The following OR2C1 variants were observed in gnomAD, a reference collection of about 807,000 sequenced individuals.
The protein encoded by OR2C1 is olfactory receptor 2C1.
For synonymous variants in OR2C1, 209 were observed against 167.3 expected (o/e 1.25, Z -1.92); for missense variants, 468 against 388.3 (o/e 1.21, Z -1.73).
chr16:3,347,709 C>A, the OR2C1 span, among the ~76,000 whole-genome samples: 2 of 152,252 alleles, frequency 1.3e-5, no homozygotes, highest in African/African-American at 4.8e-5. Context: ...GGATGTTCTT[C>A]CATGTGAGAA....
chr16:3,345,150 A>G, the OR2C1 span, among the ~76,000 whole-genome samples: 1 of 151,968 alleles, frequency 6.6e-6, no homozygotes, highest in Non-Finnish European at 1.5e-5. Flanking sequence ...AAGTGAAAAC[A>G]TTGTGGAGGA....
At chr16:3,340,725 C>A in the OR2C1 span, among the ~76,000 whole-genome samples, 1 of 152,148 alleles carries the variant, frequency 6.6e-6, no homozygotes, top group Non-Finnish European at 1.5e-5. Flanking sequence ...GACATTGTCA[C>A]CCTTATGGAA....
At chr16:3,327,521 C>T in the OR2C1 span, among the ~76,000 whole-genome samples, 2 of 151,656 alleles carry the variant, frequency 1.3e-5, no homozygotes, top group Non-Finnish European at 2.9e-5. Context: ...GTAAGAAGAC[C>T]CTCTTGACCT....
chr16:3,353,779 T>C (rs970487772), upstream of OR2C1, among the ~76,000 whole-genome samples: 3 of 151,428 alleles, frequency 2.0e-5, no homozygotes, highest in African/African-American at 7.3e-5. Flanking sequence ...CCAGCCTGGG[T>C]GACACTGCTA....
upstream of OR2C1, among the ~76,000 whole-genome samples, chr16:3,351,198 T>A (rs67187418): frequency 2.9e-5 from 4 of 138,016 alleles, no homozygotes; most frequent in Non-Finnish European, 4.6e-5. Flanking sequence ...TGAATTTAAG[T>A]CTTTTTTCTT....
At chr16:3,342,321 A>T in the OR2C1 span, among the ~76,000 whole-genome samples, 1 of 152,214 alleles carries the variant, frequency 6.6e-6, no homozygotes, top group Admixed American at 6.5e-5. Flanking sequence ...AGATTATGTC[A>T]ATATTAAGGA....
the OR2C1 span, among the ~76,000 whole-genome samples, chr16:3,325,143 A>C: frequency 6.6e-6 from 1 of 151,838 alleles, no homozygotes; most frequent in Non-Finnish European, 1.5e-5. Context: ...CACCAGGCCC[A>C]GCTAATTTTT....
chr16:3,348,553 C>T, the OR2C1 span, among the ~76,000 whole-genome samples: 1 of 152,144 alleles, frequency 6.6e-6, no homozygotes, highest in Non-Finnish European at 1.5e-5. Context: ...GTGACCAGCA[C>T]ACAGCACAAG....
At chr16:3,334,363 C>G in the OR2C1 span, among the ~76,000 whole-genome samples, 4 of 151,326 alleles carry the variant, frequency 2.6e-5, no homozygotes, top group South Asian at 2.1e-4. Context: ...GTCTCGATCT[C>G]TTGACCTTGT....
the OR2C1 span, among the ~76,000 whole-genome samples, chr16:3,328,002 C>T: frequency 6.6e-6 from 1 of 152,170 alleles, no homozygotes; most frequent in South Asian, 2.1e-4. Context: ...GAAAAATGAA[C>T]CTCAAAATTT....
chr16:3,336,056 T>C, the OR2C1 span, among the ~76,000 whole-genome samples: 1 of 152,242 alleles, frequency 6.6e-6, no homozygotes, highest in African/African-American at 2.4e-5. Flanking sequence ...GCTGTGGGTT[T>C]GTCATATATG....
Position 3,356,556 on chromosome 16 carries a change from T to A in OR2C1, c.616T>A (p.Phe206Ile). 1 of 1,614,202 alleles carries A rather than the reference T, an allele frequency of 6.2e-7. No homozygotes were observed. The highest frequency in any genetic ancestry group is 1.1e-5 in the South Asian group (1 of 91,090). Residue 206 changes from phenylalanine (F) to isoleucine (I), a missense_variant, in exon 1 of 1, where the codon TTC becomes ATC. Transcript: ENST00000304936. ...QAVLNGVCTF[F>I]TAVPLSIIVI... is the part of the protein sequence containing the mutation. Reference sequence around the variant, plus strand: ...TGTGCTCAATGGTGTCTGCACCTTCTTCACTGCAGTCCCACTAAGCATCAT... The same window carrying A: ...TGTGCTCAATGGTGTCTGCACCTTCATCACTGCAGTCCCACTAAGCATCAT...
In OR2C1 at chr16:3,356,595, T is replaced by A. The variant is rs1175882004; in HGVS notation, c.655T>A (p.Cys219Ser). 6.2e-7 allele frequency: 1 copy of A among 1,614,202 alleles called. No individual in the cohort carries two copies. Among genetic ancestry groups the A allele is most frequent in the African/African-American group, 1.3e-5 (1 of 75,060 alleles). The change falls in exon 1 of 1, where the codon TGC (cysteine) becomes AGC (serine). Residue 219 changes from cysteine (C) to serine (S), a missense_variant. Physicochemically the swap from Cys to Ser is moderately radical, Grantham distance 112. Coordinates refer to ENST00000304936, the MANE Select transcript of OR2C1 (RefSeq NM_012368.3). ...ACTAAGCATCATCGTGATCTCCTAC[T>A]GCCTCATTGCTCAGGCAGTGCTGAA... ...VPLSIIVISY[C>S]LIAQAVLKIR...
At chr16:3,335,654 G>C in the OR2C1 span, among the ~76,000 whole-genome samples, 2 of 149,814 alleles carry the variant, frequency 1.3e-5, no homozygotes, top group South Asian at 4.2e-4. Context: ...AGCCTCCCCA[G>C]TAGCTGGGAT....
At chr16:3,352,432 A>G (rs1240649740), upstream of OR2C1, among the ~76,000 whole-genome samples, 1 of 152,052 alleles carries the variant, frequency 6.6e-6, no homozygotes, top group Non-Finnish European at 1.5e-5. Context: ...AATGTTTTTA[A>G]ACTTATGATG....
chr16:3,344,455 C>T, the OR2C1 span, among the ~76,000 whole-genome samples: 37 of 152,168 alleles, frequency 2.4e-4, no homozygotes, highest in African/African-American at 7.2e-4. Flanking sequence ...TGGCCGGGCA[C>T]GGTGGCTCAC....
upstream of OR2C1, among the ~76,000 whole-genome samples, chr16:3,353,396 C>T (rs552086451): frequency 2.6e-3 from 381 of 146,910 alleles, 2 homozygotes; most frequent in African/African-American, 9.1e-3. Flanking sequence ...GAGGCTGAGG[C>T]AGGAGAATTG....
the OR2C1 span, among the ~76,000 whole-genome samples, chr16:3,345,269 G>A: frequency 1.3e-5 from 2 of 151,892 alleles, no homozygotes; most frequent in East Asian, 3.9e-4. Flanking sequence ...CAGATCACGA[G>A]GTCAACAGTT....
At chr16:3,331,267 A>T in the OR2C1 span, among the ~76,000 whole-genome samples, 1 of 151,918 alleles carries the variant, frequency 6.6e-6, no homozygotes, top group Admixed American at 6.6e-5. Flanking sequence ...GTTTGGGTTC[A>T]TTGTAGATTC....
Sources: gnomAD v4.1 joint callset for allele counts (sites outside exome capture counted in the v4.1 genomes callset) on GRCh38, gnomAD v4.1.1 for gene constraint, MANE v1.5 for transcripts, NCBI Gene and HGNC (gene_info 2026-07-23, HGNC 2026-07-21) for gene names.